The following CLEC4C variants were observed in gnomAD, a reference collection of about 807,000 sequenced individuals.
CLEC4C encodes C-type (calcium dependent, carbohydrate-recognition domain) lectin, superfamily member 11.
In CLEC4C, 17 loss-of-function variants were observed where a neutral mutation model predicts 27.7. That is an observed-to-expected ratio of 0.61 (90% confidence interval 0.42 to 0.92). The LOEUF (loss-of-function observed/expected upper bound fraction) is 0.92, where lower values mean the gene tolerates loss of function less well. Among genes scored for constraint, CLEC4C ranks in the 40% least tolerant of loss-of-function variants. CLEC4C has a pLI of 0.00. For synonymous variants in CLEC4C, 80 were observed against 80.8 expected (o/e 0.99, Z 0.06); for missense variants, 244 against 257.3 (o/e 0.95, Z 0.35).
At chr12:7,732,486 G>A (rs1864619333) in intron 4 of CLEC4C, among the ~76,000 whole-genome samples, 1 of 150,566 alleles carries the variant, frequency 6.6e-6, no homozygotes, top group African/African-American at 2.5e-5. Flanking sequence ...AGAGTAGCTG[G>A]GATTACACGC....
intron 3 of CLEC4C, among the ~76,000 whole-genome samples, chr12:7,739,331 T>C (rs1864801582): frequency 6.6e-6 from 1 of 152,018 alleles, no homozygotes; most frequent in African/African-American, 2.4e-5. Context: ...CAGGATAGTC[T>C]CAATCTCTTG....
At chr12:7,746,682 G>A (rs774240380) in intron 1 of CLEC4C, among the ~76,000 whole-genome samples, 1 of 152,250 alleles carries the variant, frequency 6.6e-6, no homozygotes, top group Non-Finnish European at 1.5e-5. Context: ...CTTTTCCCTT[G>A]AATTGCACAG....
intron 4 of CLEC4C, among the ~76,000 whole-genome samples, chr12:7,734,901 A>C (rs1864687752): frequency 6.6e-6 from 1 of 152,040 alleles, no homozygotes; most frequent in Non-Finnish European, 1.5e-5. Context: ...ACACAAGGAT[A>C]ATTTGAAACA....
intron 4 of CLEC4C, among the ~76,000 whole-genome samples, chr12:7,732,079 G>A (rs1457495488): frequency 2.6e-5 from 4 of 152,146 alleles, no homozygotes; most frequent in Non-Finnish European, 5.9e-5. Flanking sequence ...ACCCAGGCTG[G>A]AGTGCAGTGG....
chr12:7,744,153 C>G (rs751957398), intron 2 of CLEC4C, among the ~76,000 whole-genome samples: 234 of 152,324 alleles, frequency 1.5e-3, no homozygotes, highest in African/African-American at 5.5e-3. Context: ...GTGGGGATTT[C>G]AAATTTCAAG....
chr12:7,739,724 G>C (rs1864811987), intron 3 of CLEC4C, among the ~76,000 whole-genome samples: 1 of 151,906 alleles, frequency 6.6e-6, no homozygotes, highest in Non-Finnish European at 1.5e-5. Context: ...TTGTCACCCG[G>C]GCTGGAGTGC....
Position 7,737,464 on chromosome 12 carries a change from C to A in CLEC4C, c.346G>T (p.Ala116Ser). 6.2e-7 allele frequency: 1 copy of A among 1,613,830 alleles called. No individual in the cohort carries two copies. Among genetic ancestry groups the A allele is most frequent in the Non-Finnish European group, 8.5e-7 (1 of 1,179,910 alleles). ...CTGGTGTTGATCACCACCAGATCAG[C>A]CCCCATCACAGAACAGTTCTTTTGA... ...KSQKNCSVMG[A>S]DLVVINTREE... The change falls in exon 4 of 6, where the codon GCT becomes TCT. Residue 116 changes from alanine to serine, a missense_variant. Physicochemically the swap from Ala to Ser is moderately conservative, Grantham distance 99. Coordinates refer to ENST00000360345, the MANE Select transcript of CLEC4C (RefSeq NM_001371390.1).
At chr12:7,739,720 C>T (rs961233672) in intron 3 of CLEC4C, among the ~76,000 whole-genome samples, 1 of 152,034 alleles carries the variant, frequency 6.6e-6, no homozygotes, top group African/African-American at 2.4e-5. Context: ...CACTTTGTCA[C>T]CCGGGCTGGA....
At chr12:7,745,371 C>T (rs942712088) in intron 2 of CLEC4C, among the ~76,000 whole-genome samples, 1 of 151,154 alleles carries the variant, frequency 6.6e-6, no homozygotes, top group African/African-American at 2.4e-5. Context: ...AGACTTCCAG[C>T]CTCCAGAACC....
rs7135359 is a variant in CLEC4C, at chr12:7,738,263, G to A, written c.236-689C>T. 4.7e-3 allele frequency among the ~76,000 whole-genome samples: 720 copies of A among 151,982 alleles called. 4 individuals are homozygous for A. The highest frequency in any genetic ancestry group is 0.016 in the African/African-American group (677 of 41,444). On this transcript the variant is annotated intron_variant, in intron 3 of 5. Coordinates refer to ENST00000360345, the MANE Select transcript of CLEC4C (RefSeq NM_001371390.1). ...CTAAGCCTTAAATATTTTTCTTTTC[G>A]TTTGTAAATGGGAATATTTCTCACT...
At chr12:7,747,103 G>A (rs759963095) in intron 1 of CLEC4C, among the ~76,000 whole-genome samples, 2 of 152,174 alleles carry the variant, frequency 1.3e-5, no homozygotes, top group Non-Finnish European at 2.9e-5. Context: ...GATTACAGGC[G>A]TGAGCCACCG....
chr12:7,742,324 C>T (rs1265546418), intron 2 of CLEC4C, among the ~76,000 whole-genome samples: 1 of 151,828 alleles, frequency 6.6e-6, no homozygotes, highest in African/African-American at 2.4e-5. Context: ...CCCAGCCCAG[C>T]CAACATGGTG....
chr12:7,743,025 T>A (rs902387581), intron 2 of CLEC4C, among the ~76,000 whole-genome samples: 4 of 152,134 alleles, frequency 2.6e-5, no homozygotes, highest in Admixed American at 2.6e-4. Context: ...TACGTATATA[T>A]CTTGATTTCC....
At chr12:7,743,051 C>T (rs545156656) in intron 2 of CLEC4C, among the ~76,000 whole-genome samples, 8 of 152,126 alleles carry the variant, frequency 5.3e-5, no homozygotes, top group Non-Finnish European at 1.0e-4. Flanking sequence ...CAATAACATA[C>T]AGTCTAGTGA....
intron 4 of CLEC4C, among the ~76,000 whole-genome samples, chr12:7,732,256 G>A (rs1036872135): frequency 4.6e-5 from 7 of 151,670 alleles, no homozygotes; most frequent in Non-Finnish European, 1.0e-4. Context: ...TCTCAAACTC[G>A]TGACCTCAGT....
intron 3 of CLEC4C, 27 bp downstream of exon 3, chr12:7,741,394 G>A (rs1565462753): frequency 8.3e-7 from 1 of 1,211,448 alleles, no homozygotes. Flanking sequence ...AGCAAGGGAA[G>A]TCTTGTTGCC....
intron 4 of CLEC4C, among the ~76,000 whole-genome samples, chr12:7,736,183 TGAGGCAG>T (rs1281951382): frequency 1.3e-5 from 2 of 151,954 alleles, no homozygotes; most frequent in African/African-American, 4.8e-5. Flanking sequence ...CTCGGGAAGC[TGAGGCAG>T]GAGAATCGCT....
chr12:7,745,396 ATC>A (rs1411537525), intron 2 of CLEC4C, among the ~76,000 whole-genome samples: 2 of 115,830 alleles, frequency 1.7e-5, no homozygotes, highest in East Asian at 2.6e-4. Flanking sequence ...GAAAATAAAT[ATC>A]TGTTTTTTAA....
intron 2 of CLEC4C, among the ~76,000 whole-genome samples, chr12:7,746,128 T>C (rs1392987411): frequency 1.4e-5 from 2 of 145,246 alleles, no homozygotes; most frequent in African/African-American, 2.6e-5. Flanking sequence ...GGCAGGCGAA[T>C]GGCATGAACC....
Sources: allele counts gnomAD v4.1 joint callset (sites outside exome capture counted in the v4.1 genomes callset), GRCh38; gene constraint gnomAD v4.1.1; transcripts MANE v1.5; gene names NCBI Gene and HGNC (gene_info 2026-07-23, HGNC 2026-07-21).